PDE4D: variants seen among roughly 807,000 people sequenced by gnomAD.
PDE4D encodes the protein phosphodiesterase 4D.
A neutral mutation model predicts 87.4 loss-of-function variants in PDE4D; 24 were observed. The observed-to-expected ratio is 0.27, with a 90% CI of 0.20 to 0.39. PDE4D has a LOEUF of 0.39. Ranked by LOEUF, PDE4D falls within the 10% of genes least tolerant of loss-of-function variation. The pLI is 1.00. For synonymous variants in PDE4D, 384 were observed against 383.2 expected (o/e 1.00, Z -0.02); for missense variants, 714 against 1,041.0 (o/e 0.69, Z 4.32).
intron 1 of PDE4D, among the ~76,000 whole-genome samples, chr5:59,436,311 T>C (rs530200104): frequency 6.6e-5 from 10 of 152,204 alleles, no homozygotes; most frequent in Non-Finnish European, 1.5e-4. Context: ...ATATCTTTAA[T>C]GCCCAACTAC....
chr5:60,181,110 T>C (rs2149499592), intron 2 of PDE4D, among the ~76,000 whole-genome samples: 1 of 152,156 alleles, frequency 6.6e-6, no homozygotes, highest in East Asian at 1.9e-4. Context: ...AAATGTACCA[T>C]CTTTTCTAAA....
In PDE4D at chr5:58,973,956, C is replaced by G. The variant is rs1440086241; in HGVS notation, c.*708G>C. On this transcript the variant is annotated 3_prime_UTR_variant, in exon 15 of 15. Transcript: ENST00000340635. Reference sequence around the variant, plus strand: ...AATTAGATTTTTATCCAGTGTAGCACAGATTTGTACTGAAAACTTGCAAGT... The same window carrying G: ...AATTAGATTTTTATCCAGTGTAGCAGAGATTTGTACTGAAAACTTGCAAGT... The G allele has an allele frequency of 2.6e-5, 4 of 152,472 alleles. No homozygotes were observed. The highest frequency in any genetic ancestry group is 2.6e-4 in the Admixed American group (4 of 15,256). 9.4% of individuals were successfully genotyped at this position (152,472 alleles called of 1,614,324 possible).
chr5:60,180,359 A>G (rs1173698766), intron 2 of PDE4D, among the ~76,000 whole-genome samples: 1 of 152,146 alleles, frequency 6.6e-6, no homozygotes, highest in Non-Finnish European at 1.5e-5. Context: ...AATGAGCATA[A>G]TTGTCAATTA....
chr5:59,039,551 G>A, intron 5 of PDE4D: 4 of 982,866 alleles, frequency 4.1e-6, no homozygotes, highest in East Asian at 1.1e-4. Context: ...GGCGGCAGGC[G>A]CAGCGCGGCT....
At chr5:59,291,740 T>TG (rs202163867) in intron 1 of PDE4D, among the ~76,000 whole-genome samples, 30,828 of 106,556 alleles carry the variant, frequency 0.29, 3,668 homozygotes, top group Admixed American at 0.42. Context: ...AAAAAGAAGT[T>TG]TTTTTTTTTT....
intron 5 of PDE4D, among the ~76,000 whole-genome samples, chr5:59,081,848 G>A (rs1766832724): frequency 6.6e-6 from 1 of 152,064 alleles, no homozygotes; most frequent in African/African-American, 2.4e-5. Flanking sequence ...ATCTTGAATT[G>A]TAATCCCCAT....
intron 1 of PDE4D, among the ~76,000 whole-genome samples, chr5:59,528,626 T>C (rs1813595962): frequency 6.6e-6 from 1 of 152,096 alleles, no homozygotes; most frequent in Admixed American, 6.6e-5. Flanking sequence ...TCTGAGCTAA[T>C]TGGATTACTT....
At chr5:60,503,406 A>G (rs6870606) in intron 1 of PDE4D, among the ~76,000 whole-genome samples, 3,705 of 152,256 alleles carry the variant, frequency 0.024, 136 homozygotes, top group African/African-American at 0.079. Context: ...CCAAGTTATT[A>G]GTAAGTTCTC....
chr5:59,382,502 A>G (rs1786082975), intron 1 of PDE4D, among the ~76,000 whole-genome samples: 1 of 152,124 alleles, frequency 6.6e-6, no homozygotes, highest in Non-Finnish European at 1.5e-5. Flanking sequence ...AAATATAGTT[A>G]TTTCTTAATT....
intron 2 of PDE4D, among the ~76,000 whole-genome samples, chr5:60,044,617 T>C (rs1227310096): frequency 6.6e-6 from 1 of 152,088 alleles, no homozygotes; most frequent in Non-Finnish European, 1.5e-5. Context: ...ATGCGGTGTT[T>C]GGTTTTTTGT....
At chr5:59,768,764 T>C (rs1467679534) in intron 1 of PDE4D, 3 of 816,210 alleles carry the variant, frequency 3.7e-6, no homozygotes, top group Non-Finnish European at 5.4e-6. Flanking sequence ...GCATAGCAAA[T>C]GAACAAGGAG....
intron 5 of PDE4D, among the ~76,000 whole-genome samples, chr5:59,180,147 T>C (rs1346702970): frequency 1.3e-5 from 2 of 152,226 alleles, no homozygotes; most frequent in African/African-American, 4.8e-5. Context: ...ATTGGACTAC[T>C]GGTACAATGT....
intron 5 of PDE4D, among the ~76,000 whole-genome samples, chr5:59,065,176 TACA>T (rs1250388462): frequency 2.6e-5 from 4 of 151,826 alleles, no homozygotes; most frequent in South Asian, 4.2e-4. Context: ...TCCTGTCATT[TACA>T]ACAAGTTGGA....
intron 1 of PDE4D, among the ~76,000 whole-genome samples, chr5:59,812,660 G>A (rs980266217): frequency 6.7e-6 from 1 of 149,418 alleles, no homozygotes; most frequent in Non-Finnish European, 1.5e-5. Context: ...GTGACAAAGT[G>A]AGACTCCATC....
chr5:59,932,316 C>G (rs1282391596), intron 3 of PDE4D, among the ~76,000 whole-genome samples: 1 of 152,176 alleles, frequency 6.6e-6, no homozygotes. Context: ...TATTAAGGAG[C>G]TTTCTACCTA....
At chr5:59,090,944 A>G (rs907160757) in intron 5 of PDE4D, 8 of 286,752 alleles carry the variant, frequency 2.8e-5, no homozygotes, top group African/African-American at 1.8e-4. Flanking sequence ...TGTGACAAAT[A>G]CTCTAACTTA....
At chr5:59,708,179 T>C (rs1753721534) in intron 1 of PDE4D, among the ~76,000 whole-genome samples, 1 of 152,182 alleles carries the variant, frequency 6.6e-6, no homozygotes, top group Non-Finnish European at 1.5e-5. Flanking sequence ...TATCTCATTG[T>C]GGTTTTGATT....
chr5:59,464,710 T>C (rs1240422793), intron 1 of PDE4D, among the ~76,000 whole-genome samples: 1 of 152,134 alleles, frequency 6.6e-6, no homozygotes, highest in Non-Finnish European at 1.5e-5. Flanking sequence ...TCGTTCCACC[T>C]AATGAGAAAC....
At chr5:59,294,950 C>T (rs1455967298) in intron 1 of PDE4D, among the ~76,000 whole-genome samples, 1 of 152,186 alleles carries the variant, frequency 6.6e-6, no homozygotes, top group Admixed American at 6.6e-5. Context: ...TAAGGATTGT[C>T]TCTTCTGGAT....
Sources: allele counts gnomAD v4.1 joint callset (sites outside exome capture counted in the v4.1 genomes callset), GRCh38; gene constraint gnomAD v4.1.1; transcripts MANE v1.5; gene names NCBI Gene and HGNC (gene_info 2026-07-23, HGNC 2026-07-21).